The following DNMT3A variants were observed in gnomAD, a reference collection of about 807,000 sequenced individuals.
The protein encoded by DNMT3A is DNA (cytosine-5)-methyltransferase 3A.
A neutral mutation model predicts 117.6 loss-of-function variants in DNMT3A; 267 were observed. The ratio of observed to expected loss-of-function variants is 2.27; its 90% CI spans 2.05 to 2.51. DNMT3A has a LOEUF of 2.51. Among genes scored for constraint, DNMT3A ranks in the 30% most tolerant of loss-of-function variants. The probability of loss-of-function intolerance (pLI) is 0.00; values close to 1 mark genes in which losing one functional copy is unlikely to be tolerated. For synonymous variants in DNMT3A, 432 were observed against 474.8 expected, an observed-to-expected ratio of 0.91 and a Z score of 1.17; for missense variants, 1,029 against 1,260.2, an observed-to-expected ratio of 0.82 and a Z score of 2.78.
In DNMT3A at chr2:25,234,258, C is replaced by G. The variant is rs764189743; in HGVS notation, c.*21G>C. The G allele has an allele frequency of 6.3e-7, 1 of 1,593,568 alleles. No individual in the cohort carries two copies. Among genetic ancestry groups the G allele is most frequent in the East Asian group, 2.3e-5 (1 of 44,338 alleles). Reference sequence around the variant, plus strand: ...TGTTTGTTTAACTTTGTGTCGCTACCTCAGTTTGCCCCCATGTCCCTTACA... The same window carrying G: ...TGTTTGTTTAACTTTGTGTCGCTACGTCAGTTTGCCCCCATGTCCCTTACA... On this transcript the variant is annotated 3_prime_UTR_variant, in exon 23 of 23. Coordinates refer to ENST00000321117, the MANE Select transcript of DNMT3A (RefSeq NM_022552.5). The surrounding 1 kb of genome is among the most constrained non-coding windows in gnomAD (Gnocchi z 4.5).
chr2:25,309,149 C>T (rs990114455), intron 2 of DNMT3A, among the ~76,000 whole-genome samples: 1 of 152,192 alleles, frequency 6.6e-6, no homozygotes, highest in Non-Finnish European at 1.5e-5. Flanking sequence ...CATGGCTTAC[C>T]CACCTCGATG....
rs1175186554 is a variant in DNMT3A at position 25,264,132 on chromosome 2, G to GTTTTTTTTTTTTTTTTTTTTTTTTTT, written c.639+10808_639+10809insAAAAAAAAAAAAAAAAAAAAAAAAAA. 4.1e-5 allele frequency among the ~76,000 whole-genome samples: 3 copies of GTTTTTTTTTTTTTTTTTTTTTTTTTT among 73,758 alleles called. 1 individual carries two copies. Among genetic ancestry groups the GTTTTTTTTTTTTTTTTTTTTTTTTTT allele is most frequent in the South Asian group, 6.6e-4 (1 of 1,512 alleles). The allele number at this position is 73,758 out of a possible 152,430, so 48.4% of individuals were successfully genotyped here. A position where few individuals can be genotyped will look rare whatever the true frequency, so the allele number is the denominator to read the frequency against. Reference sequence around the variant, plus strand: ...TCAGTAAAGGCTGGACAACCCTTTGGTTTTTTTTTTTTTTTTTTTTTTTTT... The same window carrying GTTTTTTTTTTTTTTTTTTTTTTTTTT: ...TCAGTAAAGGCTGGACAACCCTTTGGTTTTTTTTTTTTTTTTTTTTTTTTTTTTTTTTTTTTTTTTTTTTTTTTTTT... On this transcript the variant is annotated intron_variant, in intron 6 of 22. Coordinates refer to ENST00000321117, the MANE Select transcript of DNMT3A (RefSeq NM_022552.5).
At chr2:25,249,606 A>C in intron 6 of DNMT3A, 2 of 1,609,562 alleles carry the variant, frequency 1.2e-6, no homozygotes, top group South Asian at 2.2e-5. Context: ...CCAACAAATT[A>C]ATAAGCCAAA....
chr2:25,315,986 G>T (rs2149431982), intron 1 of DNMT3A, among the ~76,000 whole-genome samples: 2 of 152,338 alleles, frequency 1.3e-5, no homozygotes, highest in East Asian at 3.9e-4. Flanking sequence ...CCTGACGGAG[G>T]CTTCCCCGGC....
chr2:25,317,051 G>A (rs955680387), intron 1 of DNMT3A, among the ~76,000 whole-genome samples: 1 of 152,138 alleles, frequency 6.6e-6, no homozygotes, highest in African/African-American at 2.4e-5. Context: ...CAATGCAATA[G>A]AAACATTTTT....
At chr2:25,267,027 A>C (rs2030419510) in intron 6 of DNMT3A, among the ~76,000 whole-genome samples, 1 of 152,248 alleles carries the variant, frequency 6.6e-6, no homozygotes, top group African/African-American at 2.4e-5. Flanking sequence ...CACCAATAAC[A>C]GAATGGCTAA....
chr2:25,256,295 C>T (rs1163511211), intron 6 of DNMT3A, among the ~76,000 whole-genome samples: 9 of 152,162 alleles, frequency 5.9e-5, no homozygotes, highest in Non-Finnish European at 1.2e-4. Context: ...TGGAGGCCTC[C>T]GTGTGATATC....
chr2:25,265,258 C>T (rs1015611714), intron 6 of DNMT3A, among the ~76,000 whole-genome samples: 2 of 152,134 alleles, frequency 1.3e-5, no homozygotes, highest in Admixed American at 6.5e-5. Context: ...AACTGCAGGC[C>T]GGGGGCGGGA....
chr2:25,319,577 A>G (rs1255646241), intron 1 of DNMT3A, among the ~76,000 whole-genome samples: 1 of 152,154 alleles, frequency 6.6e-6, no homozygotes, highest in East Asian at 1.9e-4. Context: ...GATGAAGGGG[A>G]AAAGAGGCCG....
In DNMT3A at chr2:25,283,756, C is replaced by T. The variant is rs1018665389; in HGVS notation, c.178-1045G>A. On this transcript the variant is annotated intron_variant, in intron 3 of 22. Transcript: ENST00000321117. ...TCCCCTAGAGTCTAAGAACTGAACT[C>T]GCTAAGGTTCCAGGTAATAAAAATC... Among the ~76,000 whole-genome samples, 5 of 152,226 alleles carry T rather than the reference C, an allele frequency of 3.3e-5. No individual in the cohort carries two copies. The South Asian group carries it at 1.0e-3, about 32-fold the overall frequency.
intron 16 of DNMT3A, 122 bp downstream of exon 16, chr2:25,243,776 T>G: frequency 9.1e-7 from 1 of 1,093,872 alleles, no homozygotes; most frequent in Non-Finnish European, 1.4e-6. Flanking sequence ...GCTTCCCCTT[T>G]GGGATAATAT....
intron 6 of DNMT3A, among the ~76,000 whole-genome samples, chr2:25,260,321 A>G (rs188453764): frequency 6.6e-6 from 1 of 152,276 alleles, no homozygotes; most frequent in East Asian, 1.9e-4. Context: ...TCAAACCTAC[A>G]AGTACTGTCC....
Position 25,314,040 on chromosome 2 carries a change from G to C in DNMT3A, c.-56C>G. On this transcript the variant is annotated 5_prime_UTR_variant, in exon 2 of 23. Transcript: ENST00000321117. ...CGGGGCTGGGGGGCTGCTGGGCTTT[G>C]GGGAAGGAATTATCGTGGTCTTTGG... is the stretch of plus-strand genomic sequence containing the variant. 6.7e-7 allele frequency: 1 copy of C among 1,482,200 alleles called. No homozygotes were observed. The highest frequency in any genetic ancestry group is 8.9e-7 in the Non-Finnish European group (1 of 1,118,078). 91.8% of individuals were successfully genotyped at this position (1,482,200 alleles called of 1,614,324 possible). A position where few individuals can be genotyped will look rare whatever the true frequency, so the allele number is the denominator to read the frequency against.
chr2:25,277,315 G>C (rs2031504579), intron 4 of DNMT3A, among the ~76,000 whole-genome samples: 1 of 152,130 alleles, frequency 6.6e-6, no homozygotes, highest in African/African-American at 2.4e-5. Context: ...CCTCCAGCCT[G>C]TCCGGGGCCT....
At chr2:25,302,517 C>T (rs1470937305) in intron 2 of DNMT3A, among the ~76,000 whole-genome samples, 1 of 152,230 alleles carries the variant, frequency 6.6e-6, no homozygotes, top group Non-Finnish European at 1.5e-5. Context: ...GGAGATCCTT[C>T]AGGGGCTCTT....
At position 25,286,011 on chromosome 2, in the gene DNMT3A, C is replaced by T. The variant is rs912103659; in HGVS notation, c.178-3300G>A. 1.3e-5 allele frequency among the ~76,000 whole-genome samples: 2 copies of T among 152,224 alleles called. No individual in the cohort carries two copies. The highest frequency in any genetic ancestry group is 4.8e-5 in the African/African-American group (2 of 41,456). ...AGCTTAGGTCAGAGCCAGACTTTTT[C>T]ATGGCTGCGTCTTCCTTTCTTCTCA... is the stretch of plus-strand genomic sequence containing the variant. On this transcript the variant is annotated intron_variant, in intron 3 of 22. Coordinates refer to ENST00000321117, the MANE Select transcript of DNMT3A (RefSeq NM_022552.5). This position sits in a 1 kb window ranked among gnomAD's most constrained non-coding sequence, Gnocchi z 4.3.
intron 4 of DNMT3A, among the ~76,000 whole-genome samples, chr2:25,278,023 AC>A (rs1558700772): frequency 8.5e-5 from 7 of 82,582 alleles, no homozygotes; most frequent in African/African-American, 1.5e-4. Flanking sequence ...ACACACACAC[AC>A]ACACACACAC....
At chr2:25,314,380 C>T (rs977290248) in intron 1 of DNMT3A, 2 of 985,378 alleles carry the variant, frequency 2.0e-6, no homozygotes, top group South Asian at 9.4e-5. Context: ...GCAGTCTCCC[C>T]TCCGTGTCGC....
rs1369775775 is a variant in DNMT3A, at chr2:25,230,833, A to C, written c.*3446T>G. On this transcript the variant is annotated 3_prime_UTR_variant, in exon 23 of 23. Transcript: ENST00000321117. ...CCATGACCCCTGGGGCATCTGGTCC[A>C]TTCTAGGGCCTGGTCAAGTGGCTAG... The C allele has an allele frequency of 1.7e-5, 2 of 117,754 alleles. No homozygotes were observed. Among genetic ancestry groups the C allele is most frequent in the African/African-American group, 6.9e-5 (2 of 29,110 alleles). The allele number at this position is 117,754 out of a possible 1,614,324, so 7.3% of individuals were successfully genotyped here.
Sources: allele counts gnomAD v4.1 joint callset (sites outside exome capture counted in the v4.1 genomes callset), GRCh38; gene constraint gnomAD v4.1.1; non-coding constraint Gnocchi (gnomAD v3.1); transcripts MANE v1.5; gene names NCBI Gene and HGNC (gene_info 2026-07-23, HGNC 2026-07-21).